The following CHGA variants were observed in gnomAD, a reference collection of about 807,000 sequenced individuals.
The protein encoded by CHGA is chromogranin A, also known as chromogranin-A.
In CHGA, 41 loss-of-function variants were observed where a neutral mutation model predicts 54.4. The observed-to-expected ratio is 0.75, with a 90% CI of 0.59 to 0.98. CHGA has a LOEUF of 0.98. Among genes scored for constraint, CHGA ranks in the 50% least tolerant of loss-of-function variants. CHGA has a pLI of 0.00. For synonymous variants in CHGA, 249 were observed against 232.8 expected (o/e 1.07, Z -0.63); for missense variants, 576 against 582.3 (o/e 0.99, Z 0.11).
chr14:92,926,479 G>T (rs1886887739), intron 2 of CHGA, 126 bp from the exon 3 acceptor site: 2 of 718,592 alleles, frequency 2.8e-6, no homozygotes, highest in Non-Finnish European at 4.9e-6. Flanking sequence ...CCTGAGCCAG[G>T]GATCATGGAC....
chr14:92,929,958 T>C (rs1886962823), intron 5 of CHGA, 143 bp downstream of exon 5: 1 of 678,950 alleles, frequency 1.5e-6, no homozygotes, highest in Non-Finnish European at 2.5e-6. Flanking sequence ...GGGAAACTGC[T>C]GCTCAGAGAG....
intron 1 of CHGA, among the ~76,000 whole-genome samples, chr14:92,923,864 C>T (rs1447366944): frequency 1.3e-5 from 2 of 152,206 alleles, no homozygotes; most frequent in African/African-American, 4.8e-5. Context: ...CCCCCCCCAC[C>T]TCTGGGGTCT....
upstream of CHGA, chr14:92,923,147 G>GCTGCCACCGCTC (rs1164028114): frequency 1.1e-5 from 4 of 355,374 alleles, no homozygotes; most frequent in Non-Finnish European, 2.0e-5. Flanking sequence ...GGGCGCTGCT[G>GCTGCCACCGCTC]CTGCCACCGC....
At chr14:92,925,915 C>G (rs1886877853) in intron 2 of CHGA, among the ~76,000 whole-genome samples, 2 of 152,150 alleles carry the variant, frequency 1.3e-5, no homozygotes, top group African/African-American at 2.4e-5. Context: ...TTATCAGATG[C>G]CTAATTATCC....
chr14:92,934,027 C>T (rs752497705), intron 7 of CHGA, among the ~76,000 whole-genome samples: 132 of 152,204 alleles, frequency 8.7e-4, no homozygotes, highest in South Asian at 1.7e-3. Context: ...TCTATTTCCA[C>T]GGCCTGCAAT....
rs1369511041 is a variant in CHGA, at chr14:92,926,642, T to C, written c.131T>C (p.Leu44Pro). Residue 44 changes from leucine to proline, a missense_variant, in exon 3 of 8, where the codon CTT becomes CCT. Leu to Pro is a moderately conservative substitution (Grantham distance 98). Transcript: ENST00000216492. ...ATCGTTGAGGTCATCTCCGACACAC[T>C]TTCCAAGCCCAGCCCCATGCCTGTC... ...KCIVEVISDT[L>P]SKPSPMPVSQ... 6.2e-7 allele frequency: 1 copy of C among 1,613,978 alleles called. No homozygotes were observed. Among genetic ancestry groups the C allele is most frequent in the Non-Finnish European group, 8.5e-7 (1 of 1,180,012 alleles).
At position 92,931,359 on chromosome 14, in the gene CHGA, G is replaced by T; in HGVS notation, c.465G>T (p.Pro155=). The change falls in exon 6 of 8, where the codon CCG becomes CCT. Residue 155 remains proline, a synonymous_variant. Coordinates refer to ENST00000216492, the MANE Select transcript of CHGA (RefSeq NM_001275.4). ...ACGGAGCCAGGCCCCAGGCCCTCCC[G>T]GAGCCCATGCAGGAGTCCAAGGCTG... is the stretch of plus-strand genomic sequence containing the variant. The part of the protein sequence containing the change: ...ATDGARPQAL[P]EPMQESKAEG... The T allele has an allele frequency of 1.2e-6, 2 of 1,613,484 alleles. No homozygotes were observed. The highest frequency in any genetic ancestry group is 1.7e-6 in the Non-Finnish European group (2 of 1,179,944).
At chr14:92,923,463 G>A (rs1427897468) in intron 1 of CHGA, 58 bp downstream of exon 1, 2 of 1,228,506 alleles carry the variant, frequency 1.6e-6, no homozygotes, top group East Asian at 6.3e-5. Flanking sequence ...CCCACCTTGA[G>A]GTCCGGGCAC....
intron 3 of CHGA, among the ~76,000 whole-genome samples, chr14:92,926,987 T>G (rs1595060383): frequency 6.6e-6 from 1 of 152,340 alleles, no homozygotes; most frequent in African/African-American, 2.4e-5. Flanking sequence ...GAGCTCCCTA[T>G]GGACAAAGAT....
At chr14:92,931,820 C>T (rs1887005544) in intron 6 of CHGA, 118 bp downstream of exon 6, 4 of 1,048,530 alleles carry the variant, frequency 3.8e-6, no homozygotes, top group South Asian at 1.7e-5. Context: ...TAGGTATTAG[C>T]TCCATTTCCC....
At chr14:92,928,371 C>T (rs774994629) in intron 4 of CHGA, among the ~76,000 whole-genome samples, 58 of 152,138 alleles carry the variant, frequency 3.8e-4, no homozygotes, top group Non-Finnish European at 7.4e-4. Context: ...GGAGGAGGCA[C>T]GTAAACACAG....
chr14:92,933,621 G>A (rs1407559087), intron 7 of CHGA, among the ~76,000 whole-genome samples: 1 of 152,128 alleles, frequency 6.6e-6, no homozygotes, highest in Non-Finnish European at 1.5e-5. Flanking sequence ...ACACCTGTCC[G>A]CAGCCCTGAC....
rs1337921027 is a variant in CHGA at position 92,932,700 on chromosome 14, C to T, written c.1139C>T (p.Ala380Val). 6.2e-7 allele frequency: 1 copy of T among 1,610,868 alleles called. No individual in the cohort carries two copies. The highest frequency in any genetic ancestry group is 1.3e-5 in the African/African-American group (1 of 74,904). Residue 380 changes from alanine (A) to valine (V), a missense_variant, in exon 7 of 8, where the codon GCC becomes GTC. Ala to Val is a moderately conservative substitution (Grantham distance 64). Transcript: ENST00000216492. The surrounding 1 kb of genome is among the most constrained non-coding windows in gnomAD (Gnocchi z 5.3). ...ATGAAGCTCTCCTTCCGGGCCCGGG[C>T]CTACGGCTTCAGGGGCCCTGGGCCG... ...SSMKLSFRAR[A>V]YGFRGPGPQL...
chr14:92,926,904 T>G (rs1041375262), intron 3 of CHGA, among the ~76,000 whole-genome samples: 1 of 152,180 alleles, frequency 6.6e-6, no homozygotes, highest in East Asian at 1.9e-4. Context: ...GCAGAGGGGA[T>G]GCATATGAAC....
At position 92,935,046 on chromosome 14, in the gene CHGA, T is replaced by G; in HGVS notation, c.*162T>G. ...CCTATCGCCCCCTACGCGCCTTGTC[T>G]CCTACTCCTGACTCCTACCTGCCCT... On this transcript the variant is annotated 3_prime_UTR_variant, in exon 8 of 8. Coordinates refer to ENST00000216492, the MANE Select transcript of CHGA (RefSeq NM_001275.4). The G allele has an allele frequency of 1.8e-6, 1 of 568,736 alleles. No individual in the cohort carries two copies. Among genetic ancestry groups the G allele is most frequent in the Non-Finnish European group, 3.0e-6 (1 of 332,632 alleles). 35.2% of individuals were successfully genotyped at this position (568,736 alleles called of 1,614,324 possible). A position where few individuals can be genotyped will look rare whatever the true frequency, so the allele number is the denominator to read the frequency against.
chr14:92,927,528 T>A (rs367906015), intron 3 of CHGA, 22 bp from the exon 4 acceptor site: 1 of 1,602,164 alleles, frequency 6.2e-7, no homozygotes, highest in Non-Finnish European at 8.5e-7. Context: ...AAACCACCCA[T>A]GATGACTCTT....
chr14:92,926,540 G>T (rs992833620), intron 2 of CHGA, 65 bp from the exon 3 acceptor site: 35 of 1,356,770 alleles, frequency 2.6e-5, no homozygotes, highest in Non-Finnish European at 3.6e-5. Flanking sequence ...ATTCACCCTA[G>T]AGCCTCCAGG....
Position 92,932,686 on chromosome 14 carries a change from C to G in CHGA, c.1125C>G (p.Ser375=), listed in dbSNP as rs1193340437. The G allele has an allele frequency of 2.5e-6, 4 of 1,610,158 alleles. No individual in the cohort carries two copies. Among genetic ancestry groups the G allele is most frequent in the African/African-American group, 1.3e-5 (1 of 75,026 alleles). The stretch of plus-strand genomic sequence containing the variant: ...ACCGGGACAGTTCCATGAAGCTCTC[C>G]TTCCGGGCCCGGGCCTACGGCTTCA... The part of the protein sequence containing the change: ...EDNRDSSMKL[S]FRARAYGFRG... Residue 375 remains serine, a synonymous_variant, in exon 7 of 8, where the codon TCC becomes TCG. Coordinates refer to ENST00000216492, the MANE Select transcript of CHGA (RefSeq NM_001275.4). The surrounding 1 kb of genome is among the most constrained non-coding windows in gnomAD (Gnocchi z 5.3).
chr14:92,927,842 AAT>A (rs1382920198), intron 4 of CHGA, among the ~76,000 whole-genome samples: 1 of 152,236 alleles, frequency 6.6e-6, no homozygotes, highest in Non-Finnish European at 1.5e-5. Context: ...TCACACAGTG[AAT>A]AGAGACATGC....
Sources: allele counts gnomAD v4.1 joint callset (sites outside exome capture counted in the v4.1 genomes callset), GRCh38; gene constraint gnomAD v4.1.1; non-coding constraint Gnocchi (gnomAD v3.1); transcripts MANE v1.5; gene names NCBI Gene and HGNC (gene_info 2026-07-23, HGNC 2026-07-21).